CRIP2: variants seen among roughly 807,000 people sequenced by gnomAD.
The protein encoded by CRIP2 is cysteine-rich protein 2.
CRIP2 carries 31 observed loss-of-function variants against 31.3 expected under a neutral mutation model. That is an observed-to-expected ratio of 0.99 (90% CI 0.74 to 1.34). The LOEUF (loss-of-function observed/expected upper bound fraction) is 1.34. Among genes scored for constraint, CRIP2 ranks in the 40% most tolerant of loss-of-function variants. The pLI, the probability that CRIP2 is intolerant of heterozygous loss-of-function variation, is 0.00. For missense variants in CRIP2, 389 were observed against 301.6 expected (o/e 1.29, Z -2.15); for synonymous variants, 177 against 127.2 (o/e 1.39, Z -2.63).
At position 105,478,496 on chromosome 14, in the gene CRIP2, T is replaced by C. The variant is rs2084004206; in HGVS notation, c.185T>C (p.Phe62Ser). The C allele has an allele frequency of 6.2e-7, 1 of 1,609,020 alleles. No homozygotes were observed. Among genetic ancestry groups the C allele is most frequent in the Non-Finnish European group, 8.5e-7 (1 of 1,179,086 alleles). ...FCHKPCYATLFGPKGVNIGGA... is the reference protein window; with the variant it reads ...FCHKPCYATLSGPKGVNIGGA... ...CACAAGCCGTGCTACGCCACCCTGT[T>C]CGGACCCAAAGGTGAGCTCCGGCTG... The change falls in exon 3 of 8, where the codon TTC becomes TCC. Residue 62 changes from phenylalanine (F) to serine (S), a missense_variant. Coordinates refer to ENST00000329146, the MANE Select transcript of CRIP2 (RefSeq NM_001312.4). The surrounding 1 kb of genome is among the most constrained non-coding windows in gnomAD (Gnocchi z 4.9).
In CRIP2 at chr14:105,479,204, C is replaced by T. The variant is rs1394100931; in HGVS notation, c.486C>T (p.Pro162=). The change falls in exon 6 of 8, where the codon CCC becomes CCT. Residue 162 remains proline, a synonymous_variant. Transcript: ENST00000329146. ...RCERCGKTLT[P]GGHAEHDGQP... ...AGCGCTGCGGGAAGACACTGACCCCCGGCGGGCACGCGGAGGTGAGGGGAG... is the reference window on the plus strand; with the variant it reads ...AGCGCTGCGGGAAGACACTGACCCCTGGCGGGCACGCGGAGGTGAGGGGAG... 9.3e-6 allele frequency: 15 copies of T among 1,610,650 alleles called. No homozygotes were observed. The highest frequency in any genetic ancestry group is 2.7e-5 in the African/African-American group (2 of 74,786).
At chr14:105,477,587 G>A in intron 1 of CRIP2, 1 of 976,522 alleles carries the variant, frequency 1.0e-6, no homozygotes, top group Non-Finnish European at 1.2e-6. Flanking sequence ...TGAAGCAGGT[G>A]CACTGCAGAG....
At chr14:105,475,124 G>A (rs1555435481) in intron 1 of CRIP2, among the ~76,000 whole-genome samples, 1 of 152,144 alleles carries the variant, frequency 6.6e-6, no homozygotes, top group Non-Finnish European at 1.5e-5. Flanking sequence ...ACCCCGAAGC[G>A]GCTTGTGGGG....
chr14:105,475,716 C>G (rs1458715845), intron 1 of CRIP2: 8 of 653,760 alleles, frequency 1.2e-5, no homozygotes, highest in Non-Finnish European at 1.5e-5. Flanking sequence ...CGCGCTCCCC[C>G]CGTCTGGGCT....
intron 1 of CRIP2, chr14:105,476,845 C>G: frequency 1.1e-6 from 1 of 872,190 alleles, no homozygotes; most frequent in Non-Finnish European, 1.4e-6. Flanking sequence ...CCTGGCCATG[C>G]CCAGAGGGTT....
intron 1 of CRIP2, chr14:105,477,421 GGGGAC>G: frequency 1.0e-6 from 1 of 985,144 alleles, no homozygotes; most frequent in Non-Finnish European, 1.2e-6. Flanking sequence ...GAGGACCCAC[GGGGAC>G]GGGGCCTGGC....
intron 1 of CRIP2, chr14:105,477,230 C>G (rs2083951125): frequency 1.0e-6 from 1 of 979,468 alleles, no homozygotes; most frequent in Non-Finnish European, 1.2e-6. Flanking sequence ...GCCCCTGCTT[C>G]CATCCACTGG....
chr14:105,477,867 AGCGCGGGCAGG>A (rs2083977371), intron 1 of CRIP2, among the ~76,000 whole-genome samples: 1 of 12,640 alleles, frequency 7.9e-5, no homozygotes, highest in Admixed American at 1.8e-3. Context: ...CAGGTGTTGG[AGCGCGGGCAGG>A]TGTTGGAGCG....
intron 1 of CRIP2, among the ~76,000 whole-genome samples, chr14:105,477,860 GT>G (rs2141754325): frequency 2.4e-5 from 1 of 42,402 alleles, no homozygotes; most frequent in Non-Finnish European, 7.2e-5. Context: ...CGGGAGGCAG[GT>G]GTTGGAGCGC....
At chr14:105,475,709 G>GCT (rs1473247493) in intron 1 of CRIP2, 1 of 585,950 alleles carries the variant, frequency 1.7e-6, no homozygotes, top group Non-Finnish European at 2.2e-6. Context: ...CGGCAGGCGC[G>GCT]CTCCCCCCGT....
intron 1 of CRIP2, chr14:105,475,742 C>T (rs2083918564): frequency 3.5e-6 from 3 of 851,176 alleles, no homozygotes; most frequent in Non-Finnish European, 4.2e-6. Context: ...ACTCTCTGGG[C>T]CTGGGTGCGC....
chr14:105,479,195 A>T lies in CRIP2; in HGVS notation c.477A>T (p.Thr159=). The change falls in exon 6 of 8, where the codon ACA becomes ACT. Residue 159 remains threonine (T), a synonymous_variant. Transcript: ENST00000329146. ...PCLRCERCGK[T]LTPGGHAEHD... ...TGCGCTGCGAGCGCTGCGGGAAGAC[A>T]CTGACCCCCGGCGGGCACGCGGAGG... The T allele has an allele frequency of 1.9e-6, 3 of 1,610,734 alleles. No homozygotes were observed. Among genetic ancestry groups the T allele is most frequent in the Non-Finnish European group, 2.5e-6 (3 of 1,179,210 alleles).
At position 105,479,883 on chromosome 14, in the gene CRIP2, G is replaced by A. The variant is rs2084054769; in HGVS notation, c.*230G>A. 2.1e-5 allele frequency: 12 copies of A among 583,892 alleles called. No homozygotes were observed. The highest frequency in any genetic ancestry group is 9.2e-4 in the Middle Eastern group (2 of 2,176). The allele number at this position is 583,892 out of a possible 1,614,324, so 36.2% of individuals were successfully genotyped here. A position where few individuals can be genotyped will look rare whatever the true frequency, so the allele number is the denominator to read the frequency against. On this transcript the variant is annotated 3_prime_UTR_variant, in exon 8 of 8. Coordinates refer to ENST00000329146, the MANE Select transcript of CRIP2 (RefSeq NM_001312.4). ...GTCCCATGATCCCTTCTGTGTCTGCGTGTCCGAATCCCCGTGTGACCCTGT... is the reference window on the plus strand; with the variant it reads ...GTCCCATGATCCCTTCTGTGTCTGCATGTCCGAATCCCCGTGTGACCCTGT...
chr14:105,480,022 G>A lies in CRIP2; in HGVS notation c.*369G>A, dbSNP rs974980336. ...TGCTCCCTTCGTGGGTGATGGCCACGCCCTCACCATGTCCCTGGCAGAGGG... is the reference window on the plus strand; with the variant it reads ...TGCTCCCTTCGTGGGTGATGGCCACACCCTCACCATGTCCCTGGCAGAGGG... On this transcript the variant is annotated 3_prime_UTR_variant, in exon 8 of 8. Coordinates refer to ENST00000329146, the MANE Select transcript of CRIP2 (RefSeq NM_001312.4). The A allele has an allele frequency of 7.6e-6, 2 of 264,268 alleles. No homozygotes were observed. Among genetic ancestry groups the A allele is most frequent in the African/African-American group, 2.2e-5 (1 of 44,930 alleles). 16.4% of individuals were successfully genotyped at this position (264,268 alleles called of 1,614,324 possible).
Position 105,479,419 on chromosome 14 carries a change from C to T in CRIP2, c.502-17C>T, listed in dbSNP as rs782391580. ...GAGTCTGTGGACTCCTCCCTCAGCACCCACCTTCTGCCCCAGCACGACGGC... is the reference window on the plus strand; with the variant it reads ...GAGTCTGTGGACTCCTCCCTCAGCATCCACCTTCTGCCCCAGCACGACGGC... On this transcript the variant is annotated splice_polypyrimidine_tract_variant and intron_variant, in intron 6 of 7. Transcript: ENST00000329146. The T allele has an allele frequency of 1.2e-6, 2 of 1,612,532 alleles. No homozygotes were observed. The highest frequency in any genetic ancestry group is 1.7e-6 in the Non-Finnish European group (2 of 1,179,926).
chr14:105,474,817 C>T (rs1174097304), upstream of CRIP2: 5 of 1,372,238 alleles, frequency 3.6e-6, no homozygotes, highest in African/African-American at 6.1e-5. This position sits in a 1 kb window ranked among gnomAD's most constrained non-coding sequence, Gnocchi z 5.1. Flanking sequence ...GGCGGCGGCC[C>T]GGAGGAGAAC....
At chr14:105,475,880 G>A (rs931012946) in intron 1 of CRIP2, 1 of 985,508 alleles carries the variant, frequency 1.0e-6, no homozygotes, top group Non-Finnish European at 1.2e-6. Context: ...GAGGAGGGCC[G>A]GGACCAACAG....
chr14:105,475,715 C>G, intron 1 of CRIP2: 3 of 650,208 alleles, frequency 4.6e-6, no homozygotes, highest in Non-Finnish European at 5.7e-6. Context: ...GCGCGCTCCC[C>G]CCGTCTGGGC....
intron 1 of CRIP2, chr14:105,476,432 T>A (rs1237074147): frequency 3.0e-6 from 3 of 985,368 alleles, no homozygotes; most frequent in Non-Finnish European, 3.6e-6. Context: ...GAACCCAGGC[T>A]GGGATGTCGG....
Sources: gnomAD v4.1 joint callset for allele counts (sites outside exome capture counted in the v4.1 genomes callset) on GRCh38, gnomAD v4.1.1 for gene constraint, Gnocchi (gnomAD v3.1) non-coding constraint, MANE v1.5 for transcripts, NCBI Gene and HGNC (gene_info 2026-07-23, HGNC 2026-07-21) for gene names.